Variants in NFAM1 observed in about 807,000 individuals in gnomAD.
NFAM1 encodes NFAT activation molecule 1.
A neutral mutation model predicts 29.0 loss-of-function variants in NFAM1; 17 were observed. The ratio of observed to expected loss-of-function variants is 0.59; its 90% CI spans 0.40 to 0.88. The LOEUF is 0.88. Ranked by LOEUF, NFAM1 falls within the 40% of genes least tolerant of loss-of-function variation. The pLI, the probability that NFAM1 is intolerant of heterozygous loss-of-function variation, is 0.00. For missense variants in NFAM1, 324 were observed against 344.6 expected (o/e 0.94, Z 0.47); for synonymous variants, 175 against 147.2 (o/e 1.19, Z -1.36).
At chr22:42,423,566 T>A (rs541604419) in intron 1 of NFAM1, among the ~76,000 whole-genome samples, 1 of 151,898 alleles carries the variant, frequency 6.6e-6, no homozygotes, top group South Asian at 2.1e-4. Flanking sequence ...AATAAATAAA[T>A]AAAATTAGCT....
chr22:42,402,572 T>C (rs895267905), intron 3 of NFAM1, among the ~76,000 whole-genome samples: 9 of 152,056 alleles, frequency 5.9e-5, no homozygotes, highest in Non-Finnish European at 1.0e-4. Context: ...AAGGAGGGCA[T>C]GTTGTCCTGG....
intron 5 of NFAM1, 51 bp downstream of exon 5, chr22:42,386,938 G>C (rs1176327057): frequency 2.0e-6 from 2 of 996,134 alleles, no homozygotes; most frequent in African/African-American, 3.4e-5. Context: ...CCAGTGATGG[G>C]AGGGTCAGAT....
chr22:42,433,180 C>T (rs738305), upstream of NFAM1, among the ~76,000 whole-genome samples: 68,729 of 151,970 alleles, frequency 0.45, 16,064 homozygotes, highest in Admixed American at 0.56. Context: ...AGACTGGGAG[C>T]CCCTCACCCT....
In NFAM1 at chr22:42,432,372, G is replaced by C. The variant is rs755451638; in HGVS notation, c.-15C>G. On this transcript the variant is annotated 5_prime_UTR_variant, in exon 1 of 6. Coordinates refer to ENST00000329021, the MANE Select transcript of NFAM1 (RefSeq NM_145912.8). ...TGGTTCTCCATCTGGGGGCCTGCTT[G>C]TCTGCGGCGACTCTTTAGTTCACAG... 3.3e-5 allele frequency: 52 copies of C among 1,555,080 alleles called. No individual in the cohort carries two copies. The highest frequency in any genetic ancestry group is 4.4e-5 in the Non-Finnish European group (51 of 1,153,648).
chr22:42,417,987 C>T (rs960475964), intron 1 of NFAM1, among the ~76,000 whole-genome samples: 6 of 152,232 alleles, frequency 3.9e-5, no homozygotes, highest in African/African-American at 1.4e-4. Context: ...TGGATCCCTG[C>T]TTAGTCTGCC....
In NFAM1 at chr22:42,409,464, C is replaced by T; in HGVS notation, c.535G>A (p.Val179Met). ...FTGLLSVLSV[V>M]GTALLLWNKK... ...TTCCAGAGCAGCAGGGCCGTGCCCA[C>T]TACACTCAGGACACTCAGGAGGCCG... Residue 179 changes from valine (V) to methionine (M), a missense_variant, in exon 3 of 6, where the codon GTG (valine) becomes ATG (methionine). Transcript: ENST00000329021. The surrounding 1 kb of genome is among the most constrained non-coding windows in gnomAD (Gnocchi z 4.9). 6.4e-7 allele frequency: 1 copy of T among 1,554,892 alleles called. No individual in the cohort carries two copies. Among genetic ancestry groups the T allele is most frequent in the South Asian group, 1.2e-5 (1 of 83,792 alleles).
chr22:42,390,085 G>A (rs1460505935), intron 4 of NFAM1, among the ~76,000 whole-genome samples: 2 of 152,120 alleles, frequency 1.3e-5, no homozygotes, highest in African/African-American at 4.8e-5. Context: ...AACGGGAGCA[G>A]GAGGGCCTGG....
chr22:42,425,911 G>A (rs566888443), intron 1 of NFAM1, among the ~76,000 whole-genome samples: 2 of 152,314 alleles, frequency 1.3e-5, no homozygotes, highest in African/African-American at 2.4e-5. Context: ...ACACCTTGGG[G>A]GAGAGGGAGG....
intron 1 of NFAM1, among the ~76,000 whole-genome samples, chr22:42,424,608 G>A (rs1268770390): frequency 6.6e-6 from 1 of 152,186 alleles, no homozygotes; most frequent in Admixed American, 6.5e-5. Flanking sequence ...AGGAAGAGAA[G>A]AGCAGGAGGC....
intron 3 of NFAM1, among the ~76,000 whole-genome samples, chr22:42,399,423 G>A (rs1929647215): frequency 6.7e-6 from 1 of 148,308 alleles, no homozygotes; most frequent in African/African-American, 2.5e-5. Flanking sequence ...CTCCAGCCTG[G>A]GAGACAGAGC....
chr22:42,405,780 C>G (rs995529674), intron 3 of NFAM1, among the ~76,000 whole-genome samples: 1 of 152,154 alleles, frequency 6.6e-6, no homozygotes, highest in Non-Finnish European at 1.5e-5. Flanking sequence ...CCAAGGCCTG[C>G]GACTCACTTC....
chr22:42,402,959 C>G (rs185004126), intron 3 of NFAM1, among the ~76,000 whole-genome samples: 1 of 151,536 alleles, frequency 6.6e-6, no homozygotes, highest in Non-Finnish European at 1.5e-5. Context: ...CTCAGCCTCC[C>G]GAGTAACTGG....
At chr22:42,402,831 CTTT>C (rs35045065) in intron 3 of NFAM1, among the ~76,000 whole-genome samples, 4 of 97,126 alleles carry the variant, frequency 4.1e-5, no homozygotes, top group Non-Finnish European at 5.7e-5. Context: ...TCTGTGCCTT[CTTT>C]TTTTTTTTTT....
upstream of NFAM1, among the ~76,000 whole-genome samples, chr22:42,434,617 AC>A (rs1182051525): frequency 6.6e-6 from 1 of 152,190 alleles, no homozygotes; most frequent in African/African-American, 2.4e-5. Flanking sequence ...TAGAAATAAA[AC>A]CGCAGCGCAT....
At chr22:42,418,648 G>A (rs972976771) in intron 1 of NFAM1, among the ~76,000 whole-genome samples, 2 of 151,786 alleles carry the variant, frequency 1.3e-5, no homozygotes, top group Non-Finnish European at 2.9e-5. Context: ...AGCCGAGATC[G>A]CACTGCTACA....
At chr22:42,417,817 G>A (rs1294252966) in intron 1 of NFAM1, among the ~76,000 whole-genome samples, 1 of 152,142 alleles carries the variant, frequency 6.6e-6, no homozygotes, top group Non-Finnish European at 1.5e-5. Flanking sequence ...TGGAGCAGGA[G>A]GGCAGCAGGG....
In NFAM1 at chr22:42,419,989, G is replaced by GTTTTTTTTTTTTTTT. The variant is rs1491236869; in HGVS notation, c.122-8254_122-8253insAAAAAAAAAAAAAAA. Among the ~76,000 whole-genome samples, 15 of 56,548 alleles carry GTTTTTTTTTTTTTTT rather than the reference G, an allele frequency of 2.7e-4. 7 individuals carry two copies. The highest frequency in any genetic ancestry group is 5.9e-4 in the African/African-American group (8 of 13,478). The allele number at this position is 56,548 out of a possible 152,430, so 37.1% of individuals were successfully genotyped here. On this transcript the variant is annotated intron_variant, in intron 1 of 5. Transcript: ENST00000329021. This position sits in a 1 kb window ranked among gnomAD's most constrained non-coding sequence, Gnocchi z 4.5. ...CCTTTGAGTCTGTAATCCCACTCTTGGTTTTTTTTTTTTTTTTTTTTTTTT... is the reference window on the plus strand; with the variant it reads ...CCTTTGAGTCTGTAATCCCACTCTTGTTTTTTTTTTTTTTTGTTTTTTTTTTTTTTTTTTTTTTTT...
rs1175006283 is a variant in NFAM1, at chr22:42,383,755, CT to C, written c.*1405del. 5.2e-5 allele frequency: 8 copies of C among 152,764 alleles called. No homozygotes were observed. The highest frequency in any genetic ancestry group is 1.9e-4 in the East Asian group (1 of 5,194). The allele number at this position is 152,764 out of a possible 1,614,324, so 9.5% of individuals were successfully genotyped here. On this transcript the variant is annotated 3_prime_UTR_variant, in exon 6 of 6. Transcript: ENST00000329021. ...GGGCCTGTGCCTTGGGTTCCCCCCC[CT>C]CCCTGGGCACATTTGGGGTTGGGGC... is the stretch of plus-strand genomic sequence containing the variant.
Position 42,388,002 on chromosome 22 carries a change from T to G in NFAM1, c.664-924A>C, listed in dbSNP as rs1929209679. On this transcript the variant is annotated intron_variant, in intron 4 of 5. Transcript: ENST00000329021. The surrounding 1 kb of genome is among the most constrained non-coding windows in gnomAD (Gnocchi z 4.1). ...GAGGGCAGGGACCATGCCTAGTCTA[T>G]CTCTGGGTTTCTGATTCTACAGCTG... Among the ~76,000 whole-genome samples the G allele has an allele frequency of 6.6e-6, 1 of 152,202 alleles. No homozygotes were observed. Among genetic ancestry groups the G allele is most frequent in the South Asian group, 2.1e-4 (1 of 4,836 alleles).
Sources: allele counts gnomAD v4.1 joint callset (sites outside exome capture counted in the v4.1 genomes callset), GRCh38; gene constraint gnomAD v4.1.1; non-coding constraint Gnocchi (gnomAD v3.1); transcripts MANE v1.5; gene names NCBI Gene and HGNC (gene_info 2026-07-23, HGNC 2026-07-21).